Variants in ZDHHC11 observed in about 807,000 individuals in gnomAD.
ZDHHC11 encodes palmitoyltransferase ZDHHC11.
A neutral mutation model predicts 51.3 loss-of-function variants in ZDHHC11; 44 were observed. That is an observed-to-expected ratio of 0.86 (90% CI 0.67 to 1.10). ZDHHC11 has a LOEUF of 1.10. Ranked by LOEUF, ZDHHC11 falls within the 50% of genes least tolerant of loss-of-function variation. ZDHHC11 has a pLI of 0.00. For synonymous variants in ZDHHC11, 163 were observed against 222.0 expected (o/e 0.73, Z 2.36); for missense variants, 400 against 537.7 (o/e 0.74, Z 2.53).
intron 1 of ZDHHC11, chr5:850,144 G>T: frequency 1.8e-6 from 1 of 560,814 alleles, no homozygotes; most frequent in Non-Finnish European, 3.1e-6. Context: ...TGTCCCTCCT[G>T]ACAGATTCCC....
chr5:852,968 G>C (rs1196395482), upstream of ZDHHC11, among the ~76,000 whole-genome samples: 1 of 148,698 alleles, frequency 6.7e-6, no homozygotes, highest in Admixed American at 6.7e-5. Flanking sequence ...GCAAGCAGCA[G>C]GGAAAGACCC....
chr5:802,287 A>G (rs1485878019), intron 11 of ZDHHC11, among the ~76,000 whole-genome samples: 2 of 151,394 alleles, frequency 1.3e-5, no homozygotes, highest in Non-Finnish European at 3.0e-5. Context: ...AGTGCTAGGA[A>G]AAAATGCACA....
chr5:808,994 C>CAT (rs1234258592), intron 11 of ZDHHC11, among the ~76,000 whole-genome samples: 4 of 143,574 alleles, frequency 2.8e-5, no homozygotes, highest in African/African-American at 1.1e-4. Context: ...TACACACACA[C>CAT]ACACACACAC....
At chr5:828,048 G>A (rs1742529730) in intron 7 of ZDHHC11, among the ~76,000 whole-genome samples, 1 of 151,256 alleles carries the variant, frequency 6.6e-6, no homozygotes, top group Non-Finnish European at 1.5e-5. Flanking sequence ...GAGAGCACAG[G>A]GTTGGGGGTA....
chr5:853,272 CAG>C (rs1434536334), upstream of ZDHHC11, among the ~76,000 whole-genome samples: 1 of 144,024 alleles, frequency 6.9e-6, no homozygotes, highest in Non-Finnish European at 1.5e-5. Flanking sequence ...ACAGACCCCA[CAG>C]AGGACAGTGA....
chr5:852,400 A>G (rs1466835519), upstream of ZDHHC11, among the ~76,000 whole-genome samples: 2 of 152,248 alleles, frequency 1.3e-5, no homozygotes, highest in African/African-American at 4.8e-5. Context: ...AAGACTGAAG[A>G]CTTCAGGTCG....
In ZDHHC11 at chr5:857,279, G is replaced by A. The variant is rs111540414; in HGVS notation, c.-1+1595C>T. 5.1e-3 allele frequency among the ~76,000 whole-genome samples: 780 copies of A among 152,258 alleles called. 5 individuals are homozygous for A. Among genetic ancestry groups the A allele is most frequent in the African/African-American group, 0.018 (741 of 41,530 alleles). On this transcript the variant is annotated intron_variant, in intron 1 of 3. Coordinates refer to the ZDHHC11 transcript ENST00000685990. ...CAATCCTGTGTGGTGGACCCCAGGCGCCTCCTGTCTGCCCCCATCTGTGGA... is the reference window on the plus strand; with the variant it reads ...CAATCCTGTGTGGTGGACCCCAGGCACCTCCTGTCTGCCCCCATCTGTGGA...
At chr5:803,380 T>C (rs1428868358) in intron 11 of ZDHHC11, among the ~76,000 whole-genome samples, 2 of 151,028 alleles carry the variant, frequency 1.3e-5, no homozygotes, top group Non-Finnish European at 1.5e-5. Flanking sequence ...AAATCTTTGA[T>C]AGTTCACTAA....
At chr5:829,838 A>G (rs1305485929) in intron 7 of ZDHHC11, among the ~76,000 whole-genome samples, 3 of 151,664 alleles carry the variant, frequency 2.0e-5, no homozygotes, top group East Asian at 3.8e-4. Context: ...GGTTTAATAT[A>G]TGCAAGTCAA....
upstream of ZDHHC11, among the ~76,000 whole-genome samples, chr5:852,237 A>T (rs1489643886): frequency 6.6e-6 from 1 of 152,242 alleles, no homozygotes; most frequent in Non-Finnish European, 1.5e-5. Context: ...TATCAAATCC[A>T]GGAAGGACCA....
At chr5:801,918 G>T (rs1738482486) in intron 11 of ZDHHC11, among the ~76,000 whole-genome samples, 1 of 151,300 alleles carries the variant, frequency 6.6e-6, no homozygotes, top group East Asian at 1.9e-4. Context: ...ATTATAATCA[G>T]GATATAAATG....
intron 4 of ZDHHC11, chr5:843,210 T>C (rs1171580795): frequency 5.2e-6 from 2 of 384,918 alleles, no homozygotes; most frequent in Non-Finnish European, 1.0e-5. Context: ...GCCTCCACTC[T>C]CCCTCCCCAT....
intron 11 of ZDHHC11, among the ~76,000 whole-genome samples, chr5:803,322 A>G (rs1330854302): frequency 6.6e-5 from 10 of 151,486 alleles, no homozygotes; most frequent in African/African-American, 2.4e-4. Context: ...TTACAGAGAC[A>G]GACATTCCCC....
At chr5:821,563 C>T (rs1230009713) in intron 9 of ZDHHC11, among the ~76,000 whole-genome samples, 1 of 151,204 alleles carries the variant, frequency 6.6e-6, no homozygotes, top group Non-Finnish European at 1.5e-5. Context: ...GTGCAGCTCC[C>T]ACCAGGACAG....
At chr5:813,876 A>AGTGT (rs4045369) in intron 11 of ZDHHC11, among the ~76,000 whole-genome samples, 2 of 142,494 alleles carry the variant, frequency 1.4e-5, no homozygotes, top group East Asian at 2.0e-4. Context: ...ACTGTGTGCG[A>AGTGT]GTGTGTGTGT....
chr5:851,284 C>G (rs944561330), upstream of ZDHHC11, among the ~76,000 whole-genome samples: 4 of 152,000 alleles, frequency 2.6e-5, no homozygotes, highest in Non-Finnish European at 5.9e-5. Context: ...CCCGGGTGGA[C>G]AGTGGCTGGG....
chr5:843,956 TG>T (rs1261686659), intron 3 of ZDHHC11, among the ~76,000 whole-genome samples: 4 of 60,088 alleles, frequency 6.7e-5, no homozygotes, highest in Admixed American at 1.8e-4. Flanking sequence ...GCAGGGCAGG[TG>T]GGGGGTGCAG....
intron 10 of ZDHHC11, among the ~76,000 whole-genome samples, chr5:817,501 C>A (rs1740963290): frequency 6.6e-6 from 1 of 151,428 alleles, no homozygotes; most frequent in Non-Finnish European, 1.5e-5. Flanking sequence ...CTTGAAAAAA[C>A]ATAGCTTTTT....
At chr5:813,355 T>A (rs566192260) in intron 11 of ZDHHC11, among the ~76,000 whole-genome samples, 2 of 141,632 alleles carry the variant, frequency 1.4e-5, no homozygotes, top group Non-Finnish European at 3.0e-5. Flanking sequence ...AAAAAATAAA[T>A]GTTCCTCCAT....
Sources: allele counts gnomAD v4.1 joint callset (sites outside exome capture counted in the v4.1 genomes callset), GRCh38; gene constraint gnomAD v4.1.1; transcripts MANE v1.5; gene names NCBI Gene and HGNC (gene_info 2026-07-23, HGNC 2026-07-21).